Variants in FAM135A observed in about 807,000 individuals in gnomAD.
FAM135A encodes protein FAM135A.
FAM135A carries 79 observed loss-of-function variants against 146.8 expected under a neutral mutation model. The ratio of observed to expected loss-of-function variants is 0.54; its 90% CI spans 0.45 to 0.65. The LOEUF is 0.65. Among genes scored for constraint, FAM135A ranks in the 30% least tolerant of loss-of-function variants. The pLI, the probability that FAM135A is intolerant of heterozygous loss-of-function variation, is 0.00. For synonymous variants in FAM135A, 562 were observed against 603.6 expected (o/e 0.93, Z 1.01); for missense variants, 1,623 against 1,758.2 (o/e 0.92, Z 1.38).
chr6:70,544,232 C>T (rs1192523969), intron 20 of FAM135A, among the ~76,000 whole-genome samples: 2 of 151,950 alleles, frequency 1.3e-5, no homozygotes, highest in East Asian at 1.9e-4. Flanking sequence ...ATTGCTTGGG[C>T]TTAGGAGTTT....
At chr6:70,464,833 ATT>A (rs67408160) in intron 5 of FAM135A, among the ~76,000 whole-genome samples, 5,067 of 63,470 alleles carry the variant, frequency 0.08, 75 homozygotes, top group Non-Finnish European at 0.099. Flanking sequence ...CGCCTGGCCA[ATT>A]TTTTTTTTTT....
intron 5 of FAM135A, among the ~76,000 whole-genome samples, chr6:70,465,490 A>T (rs575201794): frequency 1.1e-4 from 16 of 152,100 alleles, no homozygotes; most frequent in African/African-American, 3.4e-4. Context: ...GGTGCAATCA[A>T]GGCTCACTGC....
intron 21 of FAM135A, among the ~76,000 whole-genome samples, chr6:70,558,568 G>T (rs2128518563): frequency 6.6e-6 from 1 of 152,316 alleles, no homozygotes. Context: ...CCAGCACTTT[G>T]GGAGGCTGAG....
chr6:70,524,754 A>G lies in FAM135A; in HGVS notation c.1670A>G (p.Tyr557Cys), dbSNP rs566333629. ...GGTCTGGATCCCACAATATGTGGAT[A>G]TAATTTTGACCCAAAGACCTACATG... ...KEGLDPTICG[Y>C]NFDPKTYMRQ... Residue 557 changes from tyrosine (Y) to cysteine (C), a missense_variant, in exon 15 of 22, where the codon TAT becomes TGT. Coordinates refer to ENST00000418814, the MANE Select transcript of FAM135A (RefSeq NM_001162529.3). 17 of 1,549,060 alleles carry G rather than the reference A, an allele frequency of 1.1e-5. No individual in the cohort carries two copies. The highest frequency in any genetic ancestry group is 2.0e-5 in the Admixed American group (1 of 50,450).
In FAM135A at chr6:70,458,335, A is replaced by G. The variant is rs184563910; in HGVS notation, c.157+5764A>G. Among the ~76,000 whole-genome samples, 102 of 152,304 alleles carry G rather than the reference A, an allele frequency of 6.7e-4. 4 individuals are homozygous for G. Among genetic ancestry groups the G allele is most frequent in the Middle Eastern group, 3.4e-3 (1 of 294 alleles). ...TCATGTCTGAAATGTGCTAACAAATATGACTTCTCAAGATCTTTCATATTT... is the reference window on the plus strand; with the variant it reads ...TCATGTCTGAAATGTGCTAACAAATGTGACTTCTCAAGATCTTTCATATTT... On this transcript the variant is annotated intron_variant, in intron 5 of 21. Transcript: ENST00000418814.
intron 2 of FAM135A, among the ~76,000 whole-genome samples, chr6:70,425,328 C>G (rs1401794309): frequency 1.3e-5 from 2 of 152,094 alleles, no homozygotes; most frequent in Non-Finnish European, 2.9e-5. Context: ...AAAACCAGAA[C>G]ATAATCTAAA....
At chr6:70,500,677 T>G (rs370014918) in intron 11 of FAM135A, among the ~76,000 whole-genome samples, 25 of 152,326 alleles carry the variant, frequency 1.6e-4, no homozygotes, top group African/African-American at 6.0e-4. Context: ...TGGGGGTCCT[T>G]TTTGTTGATG....
intron 20 of FAM135A, among the ~76,000 whole-genome samples, chr6:70,543,534 G>C (rs182485261): frequency 5.9e-5 from 9 of 152,274 alleles, no homozygotes; most frequent in Non-Finnish European, 8.8e-5. Context: ...AGCATCAATG[G>C]TAAGTTTCTT....
At chr6:70,509,807 T>C (rs1350638021) in intron 12 of FAM135A, among the ~76,000 whole-genome samples, 1 of 152,168 alleles carries the variant, frequency 6.6e-6, no homozygotes, top group Non-Finnish European at 1.5e-5. Context: ...AGGCAGTAGA[T>C]GCAGACCTGA....
At chr6:70,539,554 T>C (rs190190066) in intron 20 of FAM135A, among the ~76,000 whole-genome samples, 6 of 152,138 alleles carry the variant, frequency 3.9e-5, no homozygotes, top group Admixed American at 3.9e-4. Flanking sequence ...GTAAGGAAAA[T>C]AGCCCTCTTG....
intron 11 of FAM135A, among the ~76,000 whole-genome samples, chr6:70,500,115 C>T (rs1273104222): frequency 6.6e-6 from 1 of 152,192 alleles, no homozygotes; most frequent in Non-Finnish European, 1.5e-5. Flanking sequence ...TTGGGTACAC[C>T]AATCAATCGT....
intron 5 of FAM135A, 28 bp downstream of exon 5, chr6:70,452,599 A>G (rs774764112): frequency 1.3e-6 from 2 of 1,508,566 alleles, no homozygotes; most frequent in Non-Finnish European, 8.9e-7. Context: ...TTCAAATTTA[A>G]AAAGTAATCT....
chr6:70,458,020 A>G (rs974890686), intron 5 of FAM135A, among the ~76,000 whole-genome samples: 1 of 152,196 alleles, frequency 6.6e-6, no homozygotes, highest in Non-Finnish European at 1.5e-5. Context: ...TCTTTTAAAA[A>G]TAAATAGTTT....
intron 2 of FAM135A, among the ~76,000 whole-genome samples, chr6:70,425,310 T>G (rs1467904482): frequency 6.6e-6 from 1 of 152,144 alleles, no homozygotes; most frequent in Non-Finnish European, 1.5e-5. Flanking sequence ...CAAACTTTAC[T>G]TAGAATCAAA....
intron 2 of FAM135A, chr6:70,418,641 A>T (rs1768069557): frequency 6.6e-6 from 1 of 152,434 alleles, no homozygotes; most frequent in South Asian, 2.1e-4. Context: ...TAGAGCAGGG[A>T]TATAATCCAG....
At chr6:70,537,288 C>T (rs1444298213) in intron 19 of FAM135A, among the ~76,000 whole-genome samples, 1 of 152,096 alleles carries the variant, frequency 6.6e-6, no homozygotes, top group Admixed American at 6.6e-5. Flanking sequence ...CAAAAATGAT[C>T]TATAAATTAG....
chr6:70,498,978 A>G (rs185015338), intron 11 of FAM135A, among the ~76,000 whole-genome samples: 1 of 152,180 alleles, frequency 6.6e-6, no homozygotes, highest in Non-Finnish European at 1.5e-5. Context: ...AGTTCTGTAG[A>G]TGTCTATTAG....
At chr6:70,424,212 T>A (rs764434313) in intron 2 of FAM135A, among the ~76,000 whole-genome samples, 3 of 152,254 alleles carry the variant, frequency 2.0e-5, no homozygotes, top group Non-Finnish European at 2.9e-5. Context: ...TTGCCCACTT[T>A]GAAGGCTATT....
At chr6:70,523,228 A>G (rs2128342249) in intron 13 of FAM135A, among the ~76,000 whole-genome samples, 1 of 152,312 alleles carries the variant, frequency 6.6e-6, no homozygotes, top group East Asian at 1.9e-4. Context: ...TGAGGGAACC[A>G]TCTGAGTAGA....
Sources: gnomAD v4.1 joint callset for allele counts (sites outside exome capture counted in the v4.1 genomes callset) on GRCh38, gnomAD v4.1.1 for gene constraint, MANE v1.5 for transcripts, NCBI Gene and HGNC (gene_info 2026-07-23, HGNC 2026-07-21) for gene names.